Variants in RAB7A observed in about 807,000 individuals in gnomAD.
RAB7A encodes ras-related protein Rab-7a.
RAB7A carries 2 observed loss-of-function variants against 24.5 expected under a neutral mutation model. The observed-to-expected ratio is 0.08, with a 90% CI of 0.03 to 0.26. RAB7A has a LOEUF of 0.26. RAB7A is among the 10% of genes least tolerant of loss of function. The probability of loss-of-function intolerance (pLI) is 1.00; values close to 1 mark genes in which losing one functional copy is unlikely to be tolerated. For missense variants in RAB7A, 118 were observed against 255.7 expected, an observed-to-expected ratio of 0.46 and a Z score of 3.67; for synonymous variants, 100 against 95.9, an observed-to-expected ratio of 1.04 and a Z score of -0.25.
rs556570036 is a variant in RAB7A at position 128,806,521 on chromosome 3, C to T, written c.330C>T (p.Ala110=). The T allele has an allele frequency of 6.2e-7, 1 of 1,614,132 alleles. No individual in the cohort carries two copies. Among genetic ancestry groups the T allele is most frequent in the Admixed American group, 1.7e-5 (1 of 60,018 alleles). The part of the protein sequence containing the change: ...DSWRDEFLIQ[A]SPRDPENFPF... ...GGAGAGATGAGTTTCTCATCCAGGC[C>T]AGTCCCCGAGATCCTGAAAACTTCC... The change falls in exon 4 of 6, where the codon GCC becomes GCT. Residue 110 remains alanine (A), a synonymous_variant. Transcript: ENST00000265062.
intron 3 of RAB7A, among the ~76,000 whole-genome samples, 171 bp from the exon 4 acceptor site, chr3:128,806,201 G>A (rs1006607722): frequency 5.3e-5 from 8 of 152,226 alleles, no homozygotes; most frequent in African/African-American, 1.7e-4. Flanking sequence ...CAATATTTGT[G>A]AGGATTGTTT....
At chr3:128,806,611 A>C in intron 4 of RAB7A, 21 bp downstream of exon 4, 1 of 1,600,374 alleles carries the variant, frequency 6.2e-7, no homozygotes, top group Non-Finnish European at 8.6e-7. Flanking sequence ...ACGATGATAG[A>C]TATTGTCACA....
intron 1 of RAB7A, among the ~76,000 whole-genome samples, chr3:128,760,363 A>G (rs2070767831): frequency 1.3e-5 from 2 of 152,298 alleles, no homozygotes; most frequent in East Asian, 1.9e-4. Flanking sequence ...CTGTGAGCCA[A>G]TTCCTTGTAA....
intron 1 of RAB7A, among the ~76,000 whole-genome samples, chr3:128,755,701 T>C (rs936742268): frequency 3.9e-5 from 6 of 152,240 alleles, no homozygotes; most frequent in African/African-American, 1.2e-4. Context: ...GAAAGTGATA[T>C]GATTTTATTT....
intron 3 of RAB7A, among the ~76,000 whole-genome samples, chr3:128,805,170 CAG>C (rs1326101878): frequency 6.6e-6 from 1 of 152,162 alleles, no homozygotes; most frequent in Non-Finnish European, 1.5e-5. Flanking sequence ...TCTCCACTGA[CAG>C]AGATGCATAC....
At chr3:128,755,139 A>T (rs931222712) in intron 1 of RAB7A, among the ~76,000 whole-genome samples, 19 of 152,326 alleles carry the variant, frequency 1.2e-4, no homozygotes, top group African/African-American at 4.6e-4. Context: ...AGAGATTTTT[A>T]AAAATACGAT....
chr3:128,810,129 T>G (rs1039772704), intron 5 of RAB7A, among the ~76,000 whole-genome samples: 6 of 151,526 alleles, frequency 4.0e-5, no homozygotes, highest in Non-Finnish European at 8.8e-5. Context: ...TGGTAATTTT[T>G]TAGTAAAGAT....
intron 1 of RAB7A, among the ~76,000 whole-genome samples, chr3:128,731,504 G>A (rs1011259402): frequency 6.6e-6 from 1 of 152,156 alleles, no homozygotes; most frequent in African/African-American, 2.4e-5. Flanking sequence ...TAATGTTTCT[G>A]TGGTATTTGT....
In RAB7A at chr3:128,813,990, A is replaced by C. The variant is rs1201396677; in HGVS notation, c.*568A>C. 1 of 162,440 alleles carries C rather than the reference A, an allele frequency of 6.2e-6. No homozygotes were observed. The highest frequency in any genetic ancestry group is 1.4e-5 in the Non-Finnish European group (1 of 72,824). 10.1% of individuals were successfully genotyped at this position (162,440 alleles called of 1,614,324 possible). A position where few individuals can be genotyped will look rare whatever the true frequency, so the allele number is the denominator to read the frequency against. ...TGTTAATGCTTGTTACTTTTAACTA[A>C]TCAGATCTTTTTACAGTATCCATTT... On this transcript the variant is annotated 3_prime_UTR_variant, in exon 6 of 6. Coordinates refer to ENST00000265062, the MANE Select transcript of RAB7A (RefSeq NM_004637.6).
intron 1 of RAB7A, chr3:128,765,040 C>T (rs539649008): frequency 4.7e-5 from 64 of 1,361,312 alleles, no homozygotes; most frequent in South Asian, 3.5e-4. Context: ...GGAGAGGTGG[C>T]GGCGGTGGCT....
At chr3:128,776,091 A>G (rs1019253480) in intron 1 of RAB7A, among the ~76,000 whole-genome samples, 5 of 151,910 alleles carry the variant, frequency 3.3e-5, no homozygotes, top group Non-Finnish European at 7.4e-5. Flanking sequence ...CTCTGTTTCT[A>G]TGAGTTTGTT....
intron 1 of RAB7A, among the ~76,000 whole-genome samples, chr3:128,774,472 T>C (rs950741902): frequency 1.8e-4 from 28 of 152,188 alleles, no homozygotes; most frequent in Non-Finnish European, 2.8e-4. Flanking sequence ...TTTTTTTTTT[T>C]TCTCCCAGAA....
chr3:128,766,039 G>A (rs910631024), intron 1 of RAB7A, among the ~76,000 whole-genome samples: 1 of 152,140 alleles, frequency 6.6e-6, no homozygotes, highest in Admixed American at 6.6e-5. Flanking sequence ...TGTGATTACA[G>A]GCATGAGCCA....
chr3:128,775,175 C>T, intron 1 of RAB7A, among the ~76,000 whole-genome samples: 1 of 152,270 alleles, frequency 6.6e-6, no homozygotes, highest in African/African-American at 2.4e-5. Flanking sequence ...TGGAGAATAG[C>T]AGTAATAATG....
chr3:128,769,682 T>C (rs1300364909), intron 1 of RAB7A, among the ~76,000 whole-genome samples: 1 of 152,252 alleles, frequency 6.6e-6, no homozygotes, highest in Non-Finnish European at 1.5e-5. Context: ...ATGTGCTATC[T>C]GTTAAAAGAC....
intron 1 of RAB7A, among the ~76,000 whole-genome samples, chr3:128,788,730 A>G (rs1377198786): frequency 1.3e-5 from 2 of 152,052 alleles, no homozygotes; most frequent in Admixed American, 6.5e-5. Context: ...TGCTGTCCTC[A>G]TTTTCACCAT....
At chr3:128,752,125 A>G (rs929216473) in intron 1 of RAB7A, among the ~76,000 whole-genome samples, 1 of 151,986 alleles carries the variant, frequency 6.6e-6, no homozygotes, top group Non-Finnish European at 1.5e-5. Context: ...AGATTAATAC[A>G]GTGTGACCTC....
chr3:128,776,030 A>T (rs530000333), intron 1 of RAB7A, among the ~76,000 whole-genome samples: 4 of 152,024 alleles, frequency 2.6e-5, no homozygotes, highest in Non-Finnish European at 4.4e-5. Flanking sequence ...TCCTTTGGCC[A>T]TTGTCTCCCC....
At chr3:128,807,694 G>T (rs917293979) in intron 5 of RAB7A, 23 bp downstream of exon 5, 1 of 1,613,728 alleles carries the variant, frequency 6.2e-7, no homozygotes, top group African/African-American at 1.3e-5. Flanking sequence ...CAGCTGACCA[G>T]CCCACTCTGG....
Sources: gnomAD v4.1 joint callset for allele counts (sites outside exome capture counted in the v4.1 genomes callset) on GRCh38, gnomAD v4.1.1 for gene constraint, MANE v1.5 for transcripts, NCBI Gene and HGNC (gene_info 2026-07-23, HGNC 2026-07-21) for gene names.